KIF1A: variants seen among roughly 807,000 people sequenced by gnomAD.
KIF1A encodes the protein kinesin family member 1A, also known as kinesin-like protein KIF1A.
KIF1A carries 46 observed loss-of-function variants against 227.3 expected under a neutral mutation model. The ratio of observed to expected loss-of-function variants is 0.20; its 90% CI spans 0.16 to 0.26. The LOEUF is 0.26. Ranked by LOEUF, KIF1A falls within the 10% of genes least tolerant of loss-of-function variation. The pLI, the probability that KIF1A is intolerant of heterozygous loss-of-function variation, is 1.00. For missense variants in KIF1A, 1,683 were observed against 2,485.9 expected (o/e 0.68, Z 6.87); for synonymous variants, 1,022 against 1,012.8 (o/e 1.01, Z -0.17).
chr2:240,773,375 G>A, intron 12 of KIF1A, 119 bp from the exon 13 acceptor site: 1 of 1,251,296 alleles, frequency 8.0e-7, no homozygotes, highest in African/African-American at 1.5e-5. Flanking sequence ...CAGGCCAAAG[G>A]TGGACCTGAG....
chr2:240,765,684 C>G, intron 20 of KIF1A, 26 bp downstream of exon 20: 1 of 1,587,218 alleles, frequency 6.3e-7, no homozygotes, highest in Non-Finnish European at 8.6e-7. Flanking sequence ...GCCTACCTGA[C>G]TGGCCCCCGG....
intron 34 of KIF1A, among the ~76,000 whole-genome samples, chr2:240,742,525 C>G (rs922939353): frequency 2.6e-5 from 4 of 152,194 alleles, no homozygotes; most frequent in African/African-American, 7.2e-5. Context: ...GGCAAAAGCT[C>G]TGACAAATAC....
chr2:240,771,196 T>C (rs1346501019), intron 14 of KIF1A, 92 bp from the exon 15 acceptor site: 1 of 1,510,590 alleles, frequency 6.6e-7, no homozygotes, highest in Admixed American at 1.8e-5. Context: ...GGAGGAGGGG[T>C]AGGGCGGGCA....
At chr2:240,721,133 G>A in intron 44 of KIF1A, 95 bp from the exon 45 acceptor site, 2 of 1,468,870 alleles carry the variant, frequency 1.4e-6, no homozygotes, top group Non-Finnish European at 1.9e-6. Flanking sequence ...CCCCACACCT[G>A]CTGCTTAGGG....
At chr2:240,737,009 C>G in intron 38 of KIF1A, 54 bp downstream of exon 38, 2 of 1,450,522 alleles carry the variant, frequency 1.4e-6, no homozygotes, top group South Asian at 2.3e-5. Flanking sequence ...GGCTGAGGGC[C>G]TGGCAGGCTG....
rs897799804 is a variant in KIF1A at position 240,716,013 on chromosome 2, C to T, written c.*1351G>A. 6 of 152,306 alleles carry T rather than the reference C, an allele frequency of 3.9e-5. No individual in the cohort carries two copies. The highest frequency in any genetic ancestry group is 1.4e-4 in the African/African-American group (6 of 41,414). The allele number at this position is 152,306 out of a possible 1,614,324, so 9.4% of individuals were successfully genotyped here. A position where few individuals can be genotyped will look rare whatever the true frequency, so the allele number is the denominator to read the frequency against. On this transcript the variant is annotated 3_prime_UTR_variant, in exon 49 of 49. Transcript: ENST00000498729. ...GGCCTCTGGACATGACTCCTATGAC[C>T]AGACTCTCAGCTTGGGGCTGACCCC...
At chr2:240,806,503 G>A (rs1469182940) in intron 1 of KIF1A, among the ~76,000 whole-genome samples, 1 of 152,108 alleles carries the variant, frequency 6.6e-6, no homozygotes, top group Non-Finnish European at 1.5e-5. Flanking sequence ...CCCTAGGTGG[G>A]GGACTAAACT....
At chr2:240,784,818 G>C (rs573565426) in intron 7 of KIF1A, among the ~76,000 whole-genome samples, 171 bp downstream of exon 7, 7 of 68,570 alleles carry the variant, frequency 1.0e-4, no homozygotes, top group South Asian at 3.3e-4. Context: ...CTCTGGGGCG[G>C]GGGGGGGGAC....
chr2:240,751,149 C>T (rs1183174424), intron 27 of KIF1A, among the ~76,000 whole-genome samples: 1 of 152,146 alleles, frequency 6.6e-6, no homozygotes, highest in Non-Finnish European at 1.5e-5. Context: ...TGTCAGAGAC[C>T]CAGAGCACCA....
At chr2:240,812,181 C>A (rs916026910) in intron 1 of KIF1A, among the ~76,000 whole-genome samples, 2 of 152,218 alleles carry the variant, frequency 1.3e-5, no homozygotes, top group African/African-American at 4.8e-5. Context: ...TGCTTTGGGG[C>A]TCTGGGACCA....
chr2:240,789,214 C>T lies in KIF1A; in HGVS notation c.183+22G>A, dbSNP rs1226485649. The T allele has an allele frequency of 1.2e-6, 2 of 1,607,278 alleles. No individual in the cohort carries two copies. Among genetic ancestry groups the T allele is most frequent in the Middle Eastern group, 1.7e-4 (1 of 6,038 alleles). On this transcript the variant is annotated intron_variant, in intron 3 of 48. Transcript: ENST00000498729. This position sits in a 1 kb window ranked among gnomAD's most constrained non-coding sequence, Gnocchi z 4.8. ...CTATGCACTGCTGCCCCCGCCTCCC[C>T]CGACCCGGGGTCCCGGCTTACTGAG...
chr2:240,724,455 C>A (rs1043052814), intron 40 of KIF1A: 6 of 257,716 alleles, frequency 2.3e-5, no homozygotes, highest in African/African-American at 1.4e-4. Context: ...GCCACCCTCC[C>A]ACAGACAGGT....
At chr2:240,801,224 C>T (rs996299953) in intron 1 of KIF1A, among the ~76,000 whole-genome samples, 3 of 151,312 alleles carry the variant, frequency 2.0e-5, no homozygotes, top group Admixed American at 6.6e-5. Context: ...TTTAGAACAA[C>T]CCTGACAAAT....
chr2:240,736,990 T>C lies in KIF1A; in HGVS notation c.4007+73A>G, dbSNP rs778951059. ...GGTCACCTTGTGTGGCTGAACCCTG[T>C]GCCGGGTTGGCTGAGGGCCTGGCAG... On this transcript the variant is annotated intron_variant, in intron 38 of 48. Transcript: ENST00000498729. This position sits in a 1 kb window ranked among gnomAD's most constrained non-coding sequence, Gnocchi z 4.7. 19 of 1,239,778 alleles carry C rather than the reference T, an allele frequency of 1.5e-5. No individual in the cohort carries two copies. The highest frequency in any genetic ancestry group is 2.3e-5 in the Non-Finnish European group (19 of 843,176). The allele number at this position is 1,239,778 out of a possible 1,614,324, so 76.8% of individuals were successfully genotyped here. A position where few individuals can be genotyped will look rare whatever the true frequency, so the allele number is the denominator to read the frequency against.
intron 47 of KIF1A, 46 bp downstream of exon 47, chr2:240,718,960 C>T (rs776240845): frequency 2.6e-6 from 4 of 1,514,320 alleles, no homozygotes; most frequent in Non-Finnish European, 2.7e-6. Flanking sequence ...AGCTCCTGCC[C>T]TGCTAGGGTT....
In KIF1A at chr2:240,752,532, A is replaced by G. The variant is rs2125836898; in HGVS notation, c.2859-1985T>C. ...GAAAAGGGGCTGCTACAAACTGAGC[A>G]AAGCTAAGTTGTCCAGGAGTGGGGG... On this transcript the variant is annotated intron_variant, in intron 27 of 48. Transcript: ENST00000498729. The surrounding 1 kb of genome is among the most constrained non-coding windows in gnomAD (Gnocchi z 6.4). 6.6e-6 allele frequency among the ~76,000 whole-genome samples: 1 copy of G among 152,182 alleles called. No individual in the cohort carries two copies. The highest frequency in any genetic ancestry group is 2.1e-4 in the South Asian group (1 of 4,822).
intron 10 of KIF1A, chr2:240,782,321 G>A (rs1230047525): frequency 6.1e-6 from 4 of 654,436 alleles, no homozygotes; most frequent in Non-Finnish European, 7.6e-6. Context: ...CACGCCCCCC[G>A]GGCCACACTT....
At position 240,789,185 on chromosome 2, in the gene KIF1A, T is replaced by A. The variant is rs2055335447; in HGVS notation, c.183+51A>T. On this transcript the variant is annotated intron_variant, in intron 3 of 48. Transcript: ENST00000498729. This position sits in a 1 kb window ranked among gnomAD's most constrained non-coding sequence, Gnocchi z 4.8. ...AAGTTGAGGGACCCCGAGGGCCACATGGCCTATGCACTGCTGCCCCCGCCT... is the reference window on the plus strand; with the variant it reads ...AAGTTGAGGGACCCCGAGGGCCACAAGGCCTATGCACTGCTGCCCCCGCCT... The A allele has an allele frequency of 6.9e-7, 1 of 1,444,294 alleles. No homozygotes were observed. Among genetic ancestry groups the A allele is most frequent in the African/African-American group, 1.4e-5 (1 of 71,474 alleles). The allele number at this position is 1,444,294 out of a possible 1,614,324, so 89.5% of individuals were successfully genotyped here. A position where few individuals can be genotyped will look rare whatever the true frequency, so the allele number is the denominator to read the frequency against.
rs1185059694 is a variant in KIF1A, at chr2:240,766,046, T to G, written c.1685-253A>C. Among the ~76,000 whole-genome samples the G allele has an allele frequency of 3.3e-5, 5 of 152,254 alleles. No individual in the cohort carries two copies. The highest frequency in any genetic ancestry group is 7.3e-5 in the Non-Finnish European group (5 of 68,040). On this transcript the variant is annotated intron_variant, in intron 19 of 48. Transcript: ENST00000498729. The surrounding 1 kb of genome is among the most constrained non-coding windows in gnomAD (Gnocchi z 5.0). ...TGCCCACGTTGAAGCCAAGAGGCTG[T>G]GCTGGGCCTAATCACCCAGGGCCCT...
Sources: gnomAD v4.1 joint callset for allele counts (sites outside exome capture counted in the v4.1 genomes callset) on GRCh38, gnomAD v4.1.1 for gene constraint, Gnocchi (gnomAD v3.1) non-coding constraint, MANE v1.5 for transcripts, NCBI Gene and HGNC (gene_info 2026-07-23, HGNC 2026-07-21) for gene names.